TBC1D5: variants seen among roughly 807,000 people sequenced by gnomAD.
TBC1D5 encodes the protein TBC1 domain family member 5.
TBC1D5 carries 75 observed loss-of-function variants against 100.3 expected under a neutral mutation model. That is an observed-to-expected ratio of 0.75 (90% CI 0.62 to 0.91). The LOEUF (loss-of-function observed/expected upper bound fraction) is 0.91, where lower values mean the gene tolerates loss of function less well. TBC1D5 is among the 40% of genes least tolerant of loss of function. The pLI, the probability that TBC1D5 is intolerant of heterozygous loss-of-function variation, is 0.00. For missense variants in TBC1D5, 910 were observed against 942.4 expected, an observed-to-expected ratio of 0.97 and a Z score of 0.45; for synonymous variants, 323 against 325.6, an observed-to-expected ratio of 0.99 and a Z score of 0.09.
chr3:17,318,008 A>C (rs1331100670), intron 13 of TBC1D5, among the ~76,000 whole-genome samples: 1 of 152,174 alleles, frequency 6.6e-6, no homozygotes, highest in African/African-American at 2.4e-5. Context: ...CTGGATTAAG[A>C]AAATGTGGCA....
intron 2 of TBC1D5, among the ~76,000 whole-genome samples, chr3:17,581,153 ACT>A (rs1189192815): frequency 1.3e-5 from 2 of 151,338 alleles, no homozygotes; most frequent in African/African-American, 4.9e-5. Flanking sequence ...CCCTGCACAC[ACT>A]CTCTTGCCTG....
intron 15 of TBC1D5, among the ~76,000 whole-genome samples, chr3:17,275,085 GGTGA>G (rs1427626209): frequency 1.1e-4 from 16 of 143,110 alleles, no homozygotes; most frequent in African/African-American, 4.1e-4. Context: ...TCCCTAACAA[GGTGA>G]GTGAGGGGAG....
chr3:17,631,266 GC>G (rs1411085875), intron 1 of TBC1D5, among the ~76,000 whole-genome samples: 2 of 152,102 alleles, frequency 1.3e-5, no homozygotes, highest in Non-Finnish European at 2.9e-5. Context: ...CCAGAGAAAA[GC>G]CCTAATTCTC....
chr3:17,598,814 T>C (rs1428821368), intron 2 of TBC1D5, among the ~76,000 whole-genome samples: 1 of 152,246 alleles, frequency 6.6e-6, no homozygotes, highest in African/African-American at 2.4e-5. Context: ...TTTTGGCTTA[T>C]CACTTTCCAT....
At chr3:17,284,635 G>A (rs1012260149) in intron 15 of TBC1D5, among the ~76,000 whole-genome samples, 1 of 151,946 alleles carries the variant, frequency 6.6e-6, no homozygotes, top group Non-Finnish European at 1.5e-5. Flanking sequence ...AAGGCCCCTA[G>A]GAAAACCTTA....
chr3:17,714,671 G>A (rs1477074788), intron 1 of TBC1D5, among the ~76,000 whole-genome samples: 2 of 152,108 alleles, frequency 1.3e-5, no homozygotes, highest in African/African-American at 2.4e-5. Context: ...AAACACTTTG[G>A]GAAAACAACT....
intron 3 of TBC1D5, among the ~76,000 whole-genome samples, chr3:17,463,147 C>A (rs542571183): frequency 1.3e-5 from 2 of 152,288 alleles, no homozygotes; most frequent in Admixed American, 1.3e-4. Flanking sequence ...TTCTAAGTTC[C>A]ATTTGCATTT....
chr3:17,662,018 G>C (rs2066709923), intron 1 of TBC1D5, among the ~76,000 whole-genome samples: 1 of 152,130 alleles, frequency 6.6e-6, no homozygotes, highest in East Asian at 1.9e-4. Flanking sequence ...AGCCTCCCAA[G>C]TAGCTAGGAC....
rs374281164 is a variant in TBC1D5 at position 17,225,374 on chromosome 3, G to C, written c.1589-11004C>G. Among the ~76,000 whole-genome samples the C allele has an allele frequency of 2.6e-4, 40 of 151,130 alleles. No individual in the cohort carries two copies. The East Asian group carries it at 6.2e-3, about 23-fold the overall frequency. The stretch of plus-strand genomic sequence containing the variant: ...GAATCACTTGAACCTGGGAGGTGGA[G>C]GTTGCAGTGAGCTGGGAGTGCATCA... On this transcript the variant is annotated intron_variant, in intron 17 of 21. Transcript: ENST00000253692.
chr3:17,562,470 A>T (rs1317931108), intron 2 of TBC1D5, among the ~76,000 whole-genome samples: 2 of 151,946 alleles, frequency 1.3e-5, no homozygotes, highest in Non-Finnish European at 2.9e-5. Context: ...TAATGAAATT[A>T]AAAAATTTTT....
chr3:17,600,823 C>G (rs973829499), intron 2 of TBC1D5, among the ~76,000 whole-genome samples: 16 of 151,934 alleles, frequency 1.1e-4, no homozygotes, highest in Admixed American at 9.8e-4. Context: ...TTTGAAAGAC[C>G]GGGCGGGGGA....
At position 17,646,422 on chromosome 3, in the gene TBC1D5, C is replaced by T. The variant is rs891122104; in HGVS notation, c.-100-22509G>A. On this transcript the variant is annotated intron_variant, in intron 1 of 21. Coordinates refer to ENST00000253692, the Ensembl canonical transcript of TBC1D5. ...AACAGCACCATAAACTGAATTTGGA[C>T]TCAATTTTCTACCATCATCAAGCCC... Among the ~76,000 whole-genome samples, 6 of 152,210 alleles carry T rather than the reference C, an allele frequency of 3.9e-5. No homozygotes were observed. The South Asian group carries it at 1.2e-3, about 32-fold the overall frequency.
At chr3:17,412,570 A>G (rs1372632713) in intron 4 of TBC1D5, among the ~76,000 whole-genome samples, 1 of 152,130 alleles carries the variant, frequency 6.6e-6, no homozygotes, top group African/African-American at 2.4e-5. Context: ...ATTTCAGTTT[A>G]ATTTAAAAAA....
intron 13 of TBC1D5, among the ~76,000 whole-genome samples, chr3:17,352,095 T>A (rs975677396): frequency 2.6e-5 from 4 of 151,918 alleles, no homozygotes; most frequent in African/African-American, 4.8e-5. Context: ...GAAAAAATTC[T>A]TTCTTGATGC....
intron 16 of TBC1D5, among the ~76,000 whole-genome samples, chr3:17,256,419 TTA>T (rs994873862): frequency 2.7e-5 from 4 of 146,634 alleles, no homozygotes; most frequent in African/African-American, 9.9e-5. Flanking sequence ...ACTCATTGTG[TTA>T]TATATATAAT....
intron 17 of TBC1D5, among the ~76,000 whole-genome samples, chr3:17,236,628 G>A (rs1482606428): frequency 2.6e-5 from 4 of 151,850 alleles, no homozygotes; most frequent in Non-Finnish European, 5.9e-5. Context: ...TGGGACTACC[G>A]GCATGCACCA....
At chr3:17,600,209 T>C (rs2060839621) in intron 2 of TBC1D5, among the ~76,000 whole-genome samples, 1 of 116,228 alleles carries the variant, frequency 8.6e-6, no homozygotes, top group Non-Finnish European at 1.8e-5. Flanking sequence ...CTATGATTCA[T>C]ATAATATGTT....
intron 3 of TBC1D5, among the ~76,000 whole-genome samples, chr3:17,450,954 T>C (rs1379754502): frequency 6.6e-6 from 1 of 151,930 alleles, no homozygotes; most frequent in Admixed American, 6.6e-5. Flanking sequence ...AAGGTTGAAA[T>C]GAAGGAAAAA....
intron 1 of TBC1D5, among the ~76,000 whole-genome samples, chr3:17,688,924 T>C (rs2070708194): frequency 1.3e-5 from 2 of 152,236 alleles, no homozygotes; most frequent in African/African-American, 4.8e-5. Flanking sequence ...ATCTTTCTTA[T>C]ATTTTTAAAA....
Sources: gnomAD v4.1 joint callset for allele counts (sites outside exome capture counted in the v4.1 genomes callset) on GRCh38, gnomAD v4.1.1 for gene constraint, MANE v1.5 for transcripts, NCBI Gene and HGNC (gene_info 2026-07-23, HGNC 2026-07-21) for gene names.